Variants in KLRD1 observed in about 807,000 individuals in gnomAD.
The protein encoded by KLRD1 is natural killer cells antigen CD94.
In KLRD1, 21 loss-of-function variants were observed where a neutral mutation model predicts 22.6. The ratio of observed to expected loss-of-function variants is 0.93; its 90% CI spans 0.66 to 1.34. The LOEUF is 1.34. Ranked by LOEUF, KLRD1 falls within the 40% of genes most tolerant of loss-of-function variation. The pLI, the probability that KLRD1 is intolerant of heterozygous loss-of-function variation, is 0.00. For missense variants in KLRD1, 183 were observed against 208.6 expected (o/e 0.88, Z 0.76); for synonymous variants, 59 against 71.1 (o/e 0.83, Z 0.85).
intron 1 of KLRD1, among the ~76,000 whole-genome samples, chr12:10,280,182 A>G (rs1032125028): frequency 6.6e-6 from 1 of 152,182 alleles, no homozygotes; most frequent in Non-Finnish European, 1.5e-5. Context: ...ACGTACAGTG[A>G]AATGATGTGT....
chr12:10,263,017 T>C (rs1439908856), intron 1 of KLRD1, among the ~76,000 whole-genome samples: 1 of 152,062 alleles, frequency 6.6e-6, no homozygotes, highest in Non-Finnish European at 1.5e-5. Context: ...AGCAAACACC[T>C]TAGACGTAGT....
At chr12:10,258,822 GCTAT>G (rs981963492) in intron 1 of KLRD1, among the ~76,000 whole-genome samples, 6 of 152,128 alleles carry the variant, frequency 3.9e-5, no homozygotes, top group African/African-American at 1.4e-4. Flanking sequence ...AATGCATATG[GCTAT>G]CTTTCATTAG....
Position 10,255,182 on chromosome 12 carries a change from C to T in KLRD1, c.-101+28949C>T, listed in dbSNP as rs147924288. Among the ~76,000 whole-genome samples, 410 of 152,230 alleles carry T rather than the reference C, an allele frequency of 2.7e-3. 2 individuals carry two copies. Among genetic ancestry groups the T allele is most frequent in the African/African-American group, 9.2e-3 (381 of 41,532 alleles). On this transcript the variant is annotated intron_variant, in intron 1 of 5. Transcript: ENST00000544747. ...AGTTCAACCCTTGTGGAAAGCAGTACGGAGATTCCTCAAAGAGCTAAACTG... is the reference window on the plus strand; with the variant it reads ...AGTTCAACCCTTGTGGAAAGCAGTATGGAGATTCCTCAAAGAGCTAAACTG...
chr12:10,316,568 A>AT lies in KLRD1; in HGVS notation c.*1781dup, dbSNP rs1335601440. On this transcript the variant is annotated 3_prime_UTR_variant, in exon 6 of 6. Coordinates refer to ENST00000336164, the MANE Select transcript of KLRD1 (RefSeq NM_002262.5). ...AGGTGCGAGCCATCATGCTCAGCTA[A>AT]TTTTTTGTATCATTTGTAGAAATGG... 1 of 151,792 alleles carries AT rather than the reference A, an allele frequency of 6.6e-6. No homozygotes were observed. Among genetic ancestry groups the AT allele is most frequent in the Non-Finnish European group, 1.5e-5 (1 of 67,956 alleles). The allele number at this position is 151,792 out of a possible 1,614,324, so 9.4% of individuals were successfully genotyped here. A position where few individuals can be genotyped will look rare whatever the true frequency, so the allele number is the denominator to read the frequency against.
At chr12:10,304,978 T>C (rs937277131), upstream of KLRD1, among the ~76,000 whole-genome samples, 2 of 152,224 alleles carry the variant, frequency 1.3e-5, no homozygotes, top group African/African-American at 4.8e-5. Flanking sequence ...AGAATGCATT[T>C]TCTAAAAGCA....
At chr12:10,263,757 A>G (rs540563585) in intron 1 of KLRD1, among the ~76,000 whole-genome samples, 4 of 152,110 alleles carry the variant, frequency 2.6e-5, no homozygotes, top group Non-Finnish European at 5.9e-5. Flanking sequence ...ACTCATGGAA[A>G]TAAATGTCAT....
At chr12:10,249,639 A>G (rs1016400126) in intron 1 of KLRD1, among the ~76,000 whole-genome samples, 5 of 152,200 alleles carry the variant, frequency 3.3e-5, no homozygotes, top group South Asian at 2.1e-4. Flanking sequence ...GAAATCGTCA[A>G]TTTTTTAAAA....
At chr12:10,290,230 A>G (rs1312213910) in intron 1 of KLRD1, among the ~76,000 whole-genome samples, 2 of 152,252 alleles carry the variant, frequency 1.3e-5, no homozygotes, top group Admixed American at 1.3e-4. Flanking sequence ...GAAAGTCAAC[A>G]TAGCAAACAT....
chr12:10,311,654 T>C, intron 4 of KLRD1, 39 bp downstream of exon 4: 1 of 1,593,072 alleles, frequency 6.3e-7, no homozygotes, highest in Non-Finnish European at 8.6e-7. Flanking sequence ...TTCTTTGATC[T>C]AGAAAAATAT....
chr12:10,290,487 A>T (rs74060319), intron 1 of KLRD1, among the ~76,000 whole-genome samples: 5,015 of 152,308 alleles, frequency 0.033, 287 homozygotes, highest in African/African-American at 0.11. Flanking sequence ...TCATATTGCT[A>T]GGTAAATCTG....
At chr12:10,249,941 C>T (rs543323007) in intron 1 of KLRD1, among the ~76,000 whole-genome samples, 1 of 152,250 alleles carries the variant, frequency 6.6e-6, no homozygotes, top group Non-Finnish European at 1.5e-5. Context: ...TGCCATCACT[C>T]TAGCTTTATG....
chr12:10,286,353 C>T (rs1949702488), intron 1 of KLRD1, among the ~76,000 whole-genome samples: 4 of 152,150 alleles, frequency 2.6e-5, no homozygotes, highest in Admixed American at 2.0e-4. Flanking sequence ...TGGTTTTGAG[C>T]ACTAATTAGG....
chr12:10,302,003 G>A (rs1309008005), upstream of KLRD1, among the ~76,000 whole-genome samples: 3 of 152,052 alleles, frequency 2.0e-5, no homozygotes, highest in South Asian at 2.1e-4. Flanking sequence ...TTTACTAATC[G>A]GTTCACCATC....
At chr12:10,309,215 A>T (rs553592655) in intron 1 of KLRD1, 173 bp from the exon 2 acceptor site, 3 of 516,172 alleles carry the variant, frequency 5.8e-6, no homozygotes, top group African/African-American at 5.7e-5. Flanking sequence ...TCACATAAAA[A>T]TGTTGGTATT....
chr12:10,312,038 ATTCTT>A (rs1179949919), intron 4 of KLRD1, among the ~76,000 whole-genome samples: 273 of 144,684 alleles, frequency 1.9e-3, no homozygotes, highest in African/African-American at 5.0e-3. Flanking sequence ...AACGTACCCA[ATTCTT>A]TTCTTTTCTT....
chr12:10,291,342 C>CA (rs756284834), intron 1 of KLRD1, among the ~76,000 whole-genome samples: 10 of 152,130 alleles, frequency 6.6e-5, no homozygotes, highest in Non-Finnish European at 1.0e-4. Flanking sequence ...CTTCTTTTCA[C>CA]AAAAGATTTC....
chr12:10,256,852 T>C (rs899173521), intron 1 of KLRD1, among the ~76,000 whole-genome samples: 2 of 152,072 alleles, frequency 1.3e-5, no homozygotes, highest in African/African-American at 4.8e-5. Context: ...CATTTTACTC[T>C]ATAGAACTCT....
rs775873904 is a variant in KLRD1 at position 10,311,500 on chromosome 12, G to A, written c.200G>A (p.Gly67Glu). 2 of 1,613,608 alleles carry A rather than the reference G, an allele frequency of 1.2e-6. No individual in the cohort carries two copies. The highest frequency in any genetic ancestry group is 1.1e-5 in the South Asian group (1 of 91,014). ...DCCSCQEKWV[G>E]YRCNCYFISS... ...TGTTCTTGCCAAGAAAAATGGGTTG[G>A]GTACCGGTGCAACTGTTACTTCATT... The change falls in exon 4 of 6, where the codon GGG becomes GAG. Residue 67 changes from glycine to glutamate, a missense_variant. Gly to Glu is a moderately conservative substitution (Grantham distance 98). Transcript: ENST00000336164.
intron 1 of KLRD1, 179 bp downstream of exon 1, chr12:10,308,263 T>A: frequency 6.8e-6 from 4 of 591,458 alleles, no homozygotes; most frequent in Non-Finnish European, 1.2e-5. Flanking sequence ...ATTGTATAAC[T>A]TAGACATGAT....
Sources: gnomAD v4.1 joint callset for allele counts (sites outside exome capture counted in the v4.1 genomes callset) on GRCh38, gnomAD v4.1.1 for gene constraint, MANE v1.5 for transcripts, NCBI Gene and HGNC (gene_info 2026-07-23, HGNC 2026-07-21) for gene names.